The following SAMMSON variants were observed in gnomAD, a reference collection of about 807,000 sequenced individuals.
The protein encoded by SAMMSON is long intergenic non-protein coding RNA 1212.
chr3:70,311,210 A>G lies in SAMMSON; in HGVS notation n.739+19967A>G, dbSNP rs374880555. The stretch of plus-strand genomic sequence containing the variant: ...ATTCATTAAATGCTGAAAAAGACGC[A>G]GCATACCTATTTAGATAAAATATCA... On this transcript the variant is annotated intron_variant and non_coding_transcript_variant, in intron 7 of 9. Coordinates refer to ENST00000642114, the Ensembl canonical transcript of SAMMSON. 4.7e-4 allele frequency among the ~76,000 whole-genome samples: 72 copies of G among 152,330 alleles called. 1 individual carries two copies. In the South Asian group the frequency reaches 0.014, roughly 31 times the overall value.
chr3:70,236,388 A>G (rs529141944), intron 4 of SAMMSON, among the ~76,000 whole-genome samples: 2 of 152,202 alleles, frequency 1.3e-5, no homozygotes, highest in Admixed American at 6.5e-5. Flanking sequence ...TTTATTATAC[A>G]TTTATATTTG....
intron 9 of SAMMSON, among the ~76,000 whole-genome samples, chr3:70,387,085 G>A (rs1435396969): frequency 6.6e-6 from 1 of 151,992 alleles, no homozygotes; most frequent in Admixed American, 6.6e-5. Context: ...ACATGGCAAG[G>A]AGAGGAAATA....
intron 2 of SAMMSON, among the ~76,000 whole-genome samples, chr3:70,416,834 T>C (rs1476674125): frequency 2.0e-5 from 3 of 152,226 alleles, no homozygotes; most frequent in African/African-American, 7.2e-5. Context: ...ATTACCCATG[T>C]ACATTTCCAC....
chr3:70,363,140 GCCAA>G (rs1430392903), intron 9 of SAMMSON, among the ~76,000 whole-genome samples: 2 of 152,088 alleles, frequency 1.3e-5, no homozygotes, highest in East Asian at 3.9e-4. Context: ...ATTGCAGAAA[GCCAA>G]CAAAACTTGC....
intron 3 of SAMMSON, among the ~76,000 whole-genome samples, chr3:70,053,373 A>G (rs908333817): frequency 2.0e-5 from 3 of 152,148 alleles, no homozygotes; most frequent in Non-Finnish European, 4.4e-5. Context: ...GCTTGTGTGC[A>G]TATCACTGTG....
At chr3:70,000,053 G>A (rs1254018607) in intron 1 of SAMMSON, among the ~76,000 whole-genome samples, 1 of 152,198 alleles carries the variant, frequency 6.6e-6, no homozygotes, top group Non-Finnish European at 1.5e-5. Context: ...GAAATCCGGG[G>A]ATACAGAAAG....
intron 1 of SAMMSON, among the ~76,000 whole-genome samples, chr3:70,008,638 C>T (rs1350677464): frequency 6.6e-6 from 1 of 152,142 alleles, no homozygotes; most frequent in Non-Finnish European, 1.5e-5. Flanking sequence ...ATTTCTTTCT[C>T]CTTCCTGATT....
chr3:70,336,964 C>A (rs1010862936), intron 7 of SAMMSON, among the ~76,000 whole-genome samples: 2 of 147,534 alleles, frequency 1.4e-5, no homozygotes, highest in African/African-American at 2.5e-5. Flanking sequence ...CAAATATTCT[C>A]CCTCATGTTG....
chr3:70,330,550 A>G (rs1210754072), intron 7 of SAMMSON, among the ~76,000 whole-genome samples: 3 of 152,066 alleles, frequency 2.0e-5, no homozygotes, highest in African/African-American at 2.4e-5. Flanking sequence ...CAATATTTGC[A>G]TATCTATTCA....
chr3:70,291,700 C>G (rs1372597211), intron 7 of SAMMSON: 1 of 152,206 alleles, frequency 6.6e-6, no homozygotes, highest in African/African-American at 2.4e-5. Flanking sequence ...CTCTTCAACA[C>G]AAAACTCCTG....
intron 6 of SAMMSON, among the ~76,000 whole-genome samples, chr3:70,283,235 T>C (rs1702106408): frequency 6.6e-6 from 1 of 152,024 alleles, no homozygotes; most frequent in Non-Finnish European, 1.5e-5. Context: ...CTGAAATAGA[T>C]TTGCGGGAAC....
At chr3:70,201,549 C>A (rs1170576801) in intron 4 of SAMMSON, among the ~76,000 whole-genome samples, 1 of 152,154 alleles carries the variant, frequency 6.6e-6, no homozygotes, top group Non-Finnish European at 1.5e-5. Context: ...GAGTTGAGTA[C>A]TATTATGATC....
intron 3 of SAMMSON, among the ~76,000 whole-genome samples, chr3:70,063,772 A>G (rs2067199390): frequency 6.6e-6 from 1 of 152,074 alleles, no homozygotes; most frequent in Admixed American, 6.6e-5. Context: ...CTGGAGCTTG[A>G]GTCTTAACCT....
At chr3:70,067,639 A>G (rs2107593719) in intron 3 of SAMMSON, among the ~76,000 whole-genome samples, 2 of 152,276 alleles carry the variant, frequency 1.3e-5, no homozygotes, top group South Asian at 4.1e-4. Flanking sequence ...GAATTGGTCA[A>G]GAAGGCAAGA....
chr3:70,130,353 G>A (rs888309681), intron 4 of SAMMSON, among the ~76,000 whole-genome samples: 2 of 152,196 alleles, frequency 1.3e-5, no homozygotes, highest in African/African-American at 4.8e-5. Flanking sequence ...TTTCAAGAGA[G>A]GAATGGTATA....
chr3:70,232,168 A>G (rs1005801937), intron 4 of SAMMSON, among the ~76,000 whole-genome samples: 1 of 152,218 alleles, frequency 6.6e-6, no homozygotes, highest in African/African-American at 2.4e-5. Flanking sequence ...CACTCGACAC[A>G]CTTGGAAGAA....
At chr3:70,401,317 A>T (rs1701138879) in intron 2 of SAMMSON, among the ~76,000 whole-genome samples, 1 of 152,200 alleles carries the variant, frequency 6.6e-6, no homozygotes. Flanking sequence ...TAACTTGGGC[A>T]AATACTGAAT....
At chr3:70,127,266 A>G (rs2067463041) in intron 4 of SAMMSON, 1 of 152,136 alleles carries the variant, frequency 6.6e-6, no homozygotes. Context: ...TATCATCACT[A>G]TTATTATTTT....
At chr3:70,205,792 G>A (rs1049036970) in intron 4 of SAMMSON, 2 of 152,008 alleles carry the variant, frequency 1.3e-5, no homozygotes, top group Non-Finnish European at 2.9e-5. Flanking sequence ...ACCATACCTT[G>A]TTACATTTTC....
Sources: gnomAD v4.1 joint callset for allele counts (sites outside exome capture counted in the v4.1 genomes callset) on GRCh38, gnomAD v4.1.1 for gene constraint, MANE v1.5 for transcripts, NCBI Gene and HGNC (gene_info 2026-07-23, HGNC 2026-07-21) for gene names.